Variants in PLCZ1 observed in about 807,000 individuals in gnomAD.
PLCZ1 encodes the protein 1-phosphatidylinositol 4,5-bisphosphate phosphodiesterase zeta-1.
PLCZ1 carries 64 observed loss-of-function variants against 76.8 expected under a neutral mutation model. That is an observed-to-expected ratio of 0.83 (90% CI 0.68 to 1.03). The LOEUF is 1.03. PLCZ1 is among the 50% of genes least tolerant of loss of function. The probability of loss-of-function intolerance (pLI) is 0.00; values close to 1 mark genes in which losing one functional copy is unlikely to be tolerated. For missense variants in PLCZ1, 751 were observed against 713.7 expected, an observed-to-expected ratio of 1.05 and a Z score of -0.60; for synonymous variants, 248 against 230.8, an observed-to-expected ratio of 1.07 and a Z score of -0.68.
chr12:18,663,620 A>G, the PLCZ1 span, among the ~76,000 whole-genome samples: 3 of 152,118 alleles, frequency 2.0e-5, no homozygotes, highest in Non-Finnish European at 2.9e-5. Context: ...ACCTAAACAT[A>G]ACAGCAAAAA....
At chr12:18,664,976 G>A in the PLCZ1 span, among the ~76,000 whole-genome samples, 3 of 128,806 alleles carry the variant, frequency 2.3e-5, no homozygotes, top group Non-Finnish European at 4.7e-5. Flanking sequence ...ATGGACACAG[G>A]AAGGGGAACA....
At chr12:18,661,991 A>G in the PLCZ1 span, among the ~76,000 whole-genome samples, 5 of 152,260 alleles carry the variant, frequency 3.3e-5, no homozygotes, top group South Asian at 6.2e-4. Context: ...GCTGGGGGCC[A>G]TTATCCCATT....
At chr12:18,687,559 A>C (rs1343224448) in intron 13 of PLCZ1, among the ~76,000 whole-genome samples, 2 of 152,144 alleles carry the variant, frequency 1.3e-5, no homozygotes, top group East Asian at 3.9e-4. Context: ...TGAAAATCTT[A>C]CCAAAGTTAT....
At chr12:18,718,364 T>G (rs1391896232) in intron 5 of PLCZ1, among the ~76,000 whole-genome samples, 2 of 152,082 alleles carry the variant, frequency 1.3e-5, no homozygotes, top group African/African-American at 4.8e-5. Context: ...TCCACATTAT[T>G]GAATAAATCA....
intron 6 of PLCZ1, among the ~76,000 whole-genome samples, chr12:18,712,085 A>G (rs1369862583): frequency 6.6e-6 from 1 of 152,166 alleles, no homozygotes; most frequent in Non-Finnish European, 1.5e-5. Context: ...TATTAGGTAC[A>G]CATTACACAG....
chr12:18,711,675 G>C (rs73346926), intron 6 of PLCZ1, among the ~76,000 whole-genome samples: 2,856 of 151,968 alleles, frequency 0.019, 82 homozygotes, highest in African/African-American at 0.065. Context: ...TGTCATTGAT[G>C]AGATGGGGAA....
At chr12:18,723,179 AT>A in intron 4 of PLCZ1, 131 bp downstream of exon 4, 1 of 738,614 alleles carries the variant, frequency 1.4e-6, no homozygotes, top group Admixed American at 2.6e-5. Flanking sequence ...TCTCAAAGAT[AT>A]TTGACCCATC....
chr12:18,693,938 G>T, intron 12 of PLCZ1: 1 of 1,522,796 alleles, frequency 6.6e-7, no homozygotes, highest in Admixed American at 1.7e-5. Context: ...CATGGCTAAA[G>T]ATGACCTCTC....
At chr12:18,651,489 A>G in the PLCZ1 span, among the ~76,000 whole-genome samples, 1 of 152,190 alleles carries the variant, frequency 6.6e-6, no homozygotes, top group African/African-American at 2.4e-5. Context: ...GCAATTAGCC[A>G]TAAGACTATC....
chr12:18,711,432 C>T lies in PLCZ1; in HGVS notation c.714+1410G>A, dbSNP rs181500990. 8.4e-3 allele frequency among the ~76,000 whole-genome samples: 1,243 copies of T among 147,952 alleles called. 22 individuals are homozygous for T. Among genetic ancestry groups the T allele is most frequent in the African/African-American group, 0.029 (1,169 of 40,176 alleles). The stretch of plus-strand genomic sequence containing the variant: ...ATAGCATTAGGAGATATACCTAATG[C>T]TAAATGACGAGTTAGTGGGTGCAGC... On this transcript the variant is annotated intron_variant, in intron 6 of 14. Coordinates refer to ENST00000266505, the MANE Select transcript of PLCZ1 (RefSeq NM_033123.4).
intron 12 of PLCZ1, chr12:18,693,376 C>A: frequency 1.2e-6 from 2 of 1,603,898 alleles, no homozygotes; most frequent in Admixed American, 3.3e-5. Context: ...ATTAAGGAAT[C>A]TGTGGAGCTT....
chr12:18,701,993 A>G (rs536899294), intron 7 of PLCZ1, among the ~76,000 whole-genome samples: 140 of 152,294 alleles, frequency 9.2e-4, no homozygotes, highest in African/African-American at 3.2e-3. Context: ...TAAGCCTGTT[A>G]TGATTGAGAC....
chr12:18,678,556 AAATTT>A (rs1952153611), downstream of PLCZ1, among the ~76,000 whole-genome samples: 1 of 152,038 alleles, frequency 6.6e-6, no homozygotes, highest in Non-Finnish European at 1.5e-5. Context: ...GTTACTATAG[AAATTT>A]AATTTGCATT....
At chr12:18,654,311 A>AAAAG in the PLCZ1 span, among the ~76,000 whole-genome samples, 1 of 149,194 alleles carries the variant, frequency 6.7e-6, no homozygotes, top group African/African-American at 2.5e-5. Flanking sequence ...AAAAAAAAAA[A>AAAAG]TCTATCAGAT....
chr12:18,667,993 G>T, the PLCZ1 span, among the ~76,000 whole-genome samples: 3 of 152,032 alleles, frequency 2.0e-5, no homozygotes, highest in African/African-American at 7.2e-5. Context: ...AAAGGCAAAA[G>T]ATTTTTACCT....
chr12:18,681,507 A>G (rs1591944582), downstream of PLCZ1, among the ~76,000 whole-genome samples: 1 of 152,172 alleles, frequency 6.6e-6, no homozygotes, highest in East Asian at 1.9e-4. Flanking sequence ...CTGACTCTGG[A>G]GTTTTACATG....
chr12:18,662,838 A>T, the PLCZ1 span, among the ~76,000 whole-genome samples: 1 of 152,090 alleles, frequency 6.6e-6, no homozygotes, highest in African/African-American at 2.4e-5. Context: ...CAAACAGAAA[A>T]TGCACATAGA....
chr12:18,716,060 T>C (rs941056678), intron 5 of PLCZ1, among the ~76,000 whole-genome samples: 4 of 152,216 alleles, frequency 2.6e-5, no homozygotes, highest in Non-Finnish European at 5.9e-5. Context: ...GATTTATTTA[T>C]GTATTTAGAT....
Position 18,721,991 on chromosome 12 carries a change from T to C in PLCZ1, c.367+1320A>G, listed in dbSNP as rs1377134236. On this transcript the variant is annotated intron_variant, in intron 4 of 14. Transcript: ENST00000266505. ...CTGCCAGTCTCTCCAAACTCATCTC[T>C]CTCTCATTCTCAAAGTTCTAACCAC... Among the ~76,000 whole-genome samples the C allele has an allele frequency of 3.3e-5, 5 of 152,122 alleles. No individual in the cohort carries two copies. The East Asian group carries it at 9.7e-4, about 30-fold the overall frequency.
Sources: gnomAD v4.1 joint callset for allele counts (sites outside exome capture counted in the v4.1 genomes callset) on GRCh38, gnomAD v4.1.1 for gene constraint, MANE v1.5 for transcripts, NCBI Gene and HGNC (gene_info 2026-07-23, HGNC 2026-07-21) for gene names.